The following LMLN variants were observed in gnomAD, a reference collection of about 807,000 sequenced individuals.
LMLN encodes the protein leishmanolysin like peptidase, also known as leishmanolysin-like peptidase.
A neutral mutation model predicts 92.3 loss-of-function variants in LMLN; 70 were observed. The ratio of observed to expected loss-of-function variants is 0.76; its 90% CI spans 0.63 to 0.92. LMLN has a LOEUF of 0.92. Ranked by LOEUF, LMLN falls within the 40% of genes least tolerant of loss-of-function variation. The probability of loss-of-function intolerance (pLI) is 0.00; values close to 1 mark genes in which losing one functional copy is unlikely to be tolerated. For missense variants in LMLN, 691 were observed against 814.6 expected (o/e 0.85, Z 1.85); for synonymous variants, 308 against 296.2 (o/e 1.04, Z -0.41).
intron 14 of LMLN, among the ~76,000 whole-genome samples, chr3:198,026,784 T>C (rs929282469): frequency 6.6e-6 from 1 of 152,086 alleles, no homozygotes; most frequent in Non-Finnish European, 1.5e-5. Flanking sequence ...GAGTGTTTGG[T>C]GTTAGAGACT....
chr3:197,998,956 G>C (rs1221840601), intron 10 of LMLN, among the ~76,000 whole-genome samples: 2 of 152,182 alleles, frequency 1.3e-5, no homozygotes, highest in African/African-American at 4.8e-5. Flanking sequence ...TTTACCTGGA[G>C]AGTATAATAT....
At chr3:197,997,771 A>G (rs776326616) in intron 10 of LMLN, among the ~76,000 whole-genome samples, 2 of 152,252 alleles carry the variant, frequency 1.3e-5, no homozygotes, top group African/African-American at 2.4e-5. Flanking sequence ...GTTCATTCAC[A>G]TCGCAGAAAC....
intron 11 of LMLN, among the ~76,000 whole-genome samples, chr3:198,005,784 G>A (rs898972321): frequency 2.0e-5 from 3 of 151,914 alleles, no homozygotes; most frequent in African/African-American, 2.4e-5. Context: ...ATAGGCGTGC[G>A]CCACCACTCC....
In LMLN at chr3:197,980,204, G is replaced by A. The variant is rs530135588; in HGVS notation, c.550-122G>A. ...CAGGGAGGTATGGATTTTGATAAAA[G>A]TTTAGGGATAATAAAGATTAAATTG... On this transcript the variant is annotated intron_variant, in intron 5 of 15. Coordinates refer to ENST00000330198, the Ensembl canonical transcript of LMLN. The A allele has an allele frequency of 6.2e-5, 47 of 752,352 alleles. No homozygotes were observed. In the East Asian group the frequency reaches 7.5e-4, roughly 12 times the overall value. The allele number at this position is 752,352 out of a possible 1,614,324, so 46.6% of individuals were successfully genotyped here. A position where few individuals can be genotyped will look rare whatever the true frequency, so the allele number is the denominator to read the frequency against.
chr3:197,998,404 C>T (rs138076910), intron 10 of LMLN, among the ~76,000 whole-genome samples: 346 of 152,216 alleles, frequency 2.3e-3, no homozygotes, highest in Non-Finnish European at 4.2e-3. Context: ...TTTATTCCTC[C>T]CATGGGAAGT....
intron 8 of LMLN, 55 bp from the exon 9 acceptor site, chr3:197,990,504 A>G: frequency 1.3e-6 from 1 of 745,174 alleles, no homozygotes; most frequent in South Asian, 1.9e-5. Context: ...AAATATTTTT[A>G]TATTTAAAAT....
At position 198,019,351 on chromosome 3, in the gene LMLN, A is replaced by G; in HGVS notation, c.1331A>G (p.Gln444Arg). Residue 444 changes from glutamine (Q) to arginine (R), a missense_variant, in exon 12 of 16, where the codon CAG (glutamine) becomes CGG (arginine). This residue lies in a region of LMLN where 352 missense variants were observed against 443.6 expected (regional missense o/e 0.79). Coordinates refer to ENST00000330198, the Ensembl canonical transcript of LMLN. The surrounding 1 kb of genome is among the most constrained non-coding windows in gnomAD (Gnocchi z 5.5). ...AGAGCAGTTGCCGTGTGTAATTTGC[A>G]GAAGTTCCCTAAGCCTTTACCACAG... is the stretch of plus-strand genomic sequence containing the variant. 3 of 1,614,168 alleles carry G rather than the reference A, an allele frequency of 1.9e-6. No homozygotes were observed. Among genetic ancestry groups the G allele is most frequent in the Non-Finnish European group, 2.5e-6 (3 of 1,180,018 alleles).
chr3:198,011,133 A>T (rs1317974960), intron 11 of LMLN, among the ~76,000 whole-genome samples: 10 of 151,364 alleles, frequency 6.6e-5, no homozygotes, highest in Admixed American at 3.9e-4. Flanking sequence ...ATTTTTTTTT[A>T]TTATTATACT....
intron 6 of LMLN, among the ~76,000 whole-genome samples, chr3:197,980,989 G>C (rs1167817880): frequency 6.6e-6 from 1 of 152,194 alleles, no homozygotes; most frequent in African/African-American, 2.4e-5. Context: ...CGTGGTCCCA[G>C]CTACTCAGGG....
intron 3 of LMLN, 40 bp from the exon 4 acceptor site, chr3:197,975,989 C>T: frequency 2.5e-6 from 3 of 1,196,612 alleles, no homozygotes; most frequent in Non-Finnish European, 3.6e-6. Flanking sequence ...TTATCTCTTC[C>T]TTATAATTCT....
At chr3:198,032,810 T>C (rs559768211) in intron 14 of LMLN, among the ~76,000 whole-genome samples, 1 of 152,194 alleles carries the variant, frequency 6.6e-6, no homozygotes, top group South Asian at 2.1e-4. Flanking sequence ...AACAGAAGAT[T>C]TGGACAAATA....
intron 5 of LMLN, among the ~76,000 whole-genome samples, chr3:197,979,613 C>T (rs907528159): frequency 2.6e-5 from 4 of 152,026 alleles, no homozygotes; most frequent in Admixed American, 6.6e-5. Context: ...TTCAGGAGTT[C>T]GAGACCAGCC....
intron 11 of LMLN, among the ~76,000 whole-genome samples, chr3:198,005,948 C>A (rs2109909108): frequency 6.6e-6 from 1 of 152,224 alleles, no homozygotes; most frequent in East Asian, 1.9e-4. Flanking sequence ...GAAACCCCAT[C>A]TCTACTAAAA....
At chr3:198,013,603 T>A (rs1331829887) in intron 11 of LMLN, among the ~76,000 whole-genome samples, 1 of 127,602 alleles carries the variant, frequency 7.8e-6, no homozygotes, top group Non-Finnish European at 1.6e-5. Flanking sequence ...CTAGTCTGAC[T>A]TCTCTGTACC....
At chr3:197,993,620 T>C (rs182444992) in intron 9 of LMLN, among the ~76,000 whole-genome samples, 1 of 152,234 alleles carries the variant, frequency 6.6e-6, no homozygotes, top group East Asian at 1.9e-4. Flanking sequence ...CCCGTGTTCA[T>C]GGAGTAGAAG....
At chr3:198,020,768 A>ATTTTTTTTTTTTTTTTTTTTTTTTTTTTT (rs71166715) in intron 12 of LMLN, among the ~76,000 whole-genome samples, 1 of 32,860 alleles carries the variant, frequency 3.0e-5, no homozygotes. Flanking sequence ...TAATTTTTGT[A>ATTTTTTTTTTTTTTTTTTTTTTTTTTTTT]TTTTTTTTTT....
rs939095581 is a variant in LMLN, at chr3:197,991,494, CAG to C, written c.1047+819_1047+820del. On this transcript the variant is annotated intron_variant, in intron 9 of 15. Transcript: ENST00000330198. ...GGGATAGGCCAGCAGGCTGGAGACT[CAG>C]GGGATTGTTGCCCTTGGAGTCCAAA... Among the ~76,000 whole-genome samples, 13 of 152,210 alleles carry C rather than the reference CAG, an allele frequency of 8.5e-5. No homozygotes were observed. The South Asian group carries it at 1.5e-3, about 17-fold the overall frequency.
At chr3:197,976,224 C>A in intron 4 of LMLN, 113 bp downstream of exon 4, 1 of 597,040 alleles carries the variant, frequency 1.7e-6, no homozygotes, top group Non-Finnish European at 2.9e-6. Context: ...TATGCTTGTT[C>A]TTAGGGACCT....
chr3:197,961,941 C>T (rs1720910464), intron 1 of LMLN, among the ~76,000 whole-genome samples: 1 of 152,122 alleles, frequency 6.6e-6, no homozygotes, highest in African/African-American at 2.4e-5. Context: ...TAAGGTTCCG[C>T]CATTCTTGTT....
Sources: allele counts gnomAD v4.1 joint callset (sites outside exome capture counted in the v4.1 genomes callset), GRCh38; gene constraint gnomAD v4.1.1; regional missense constraint gnomAD v4.1.1; non-coding constraint Gnocchi (gnomAD v3.1); transcripts MANE v1.5; gene names NCBI Gene and HGNC (gene_info 2026-07-23, HGNC 2026-07-21).